CEBPA: variants seen among roughly 807,000 people sequenced by gnomAD.
CEBPA encodes CCAAT/enhancer-binding protein alpha.
Under a neutral mutation model 5.1 loss-of-function variants are expected in CEBPA, and 2 were observed. The observed-to-expected ratio is 0.39, with a 90% CI of 0.16 to 1.23. The LOEUF (loss-of-function observed/expected upper bound fraction) is 1.23. Among genes scored for constraint, CEBPA ranks in the 50% most tolerant of loss-of-function variants. The pLI is 0.34. For missense variants in CEBPA, 455 were observed against 537.4 expected, an observed-to-expected ratio of 0.85 and a Z score of 1.52; for synonymous variants, 275 against 264.1, an observed-to-expected ratio of 1.04 and a Z score of -0.40.
chr19:33,301,982 G>T lies in CEBPA; in HGVS notation c.433C>A (p.Pro145Thr). The change falls in exon 1 of 1, where the codon CCC (proline) becomes ACC (threonine). Residue 145 changes from proline to threonine, a missense_variant. Physicochemically the swap from Pro to Thr is conservative, Grantham distance 38 (BLOSUM62 -1). This residue lies in a region of CEBPA where 141 missense variants were observed against 124.1 expected (regional missense o/e 1.14). Coordinates refer to ENST00000498907, the MANE Select transcript of CEBPA (RefSeq NM_004364.5). The surrounding 1 kb of genome is among the most constrained non-coding windows in gnomAD (Gnocchi z 6.0). Reference sequence around the variant, plus strand: ...GGCGCCCCGACGCGCTCGTACAGGGGCTCCAGCCTGCCGTCCAGGTAGCCG... The same window carrying T: ...GGCGCCCCGACGCGCTCGTACAGGGTCTCCAGCCTGCCGTCCAGGTAGCCG... ...AAGYLDGRLE[P>T]LYERVGAPAL... The T allele has an allele frequency of 8.3e-7, 1 of 1,207,186 alleles. No individual in the cohort carries two copies. Among genetic ancestry groups the T allele is most frequent in the East Asian group, 3.6e-5 (1 of 27,672 alleles). The allele number at this position is 1,207,186 out of a possible 1,614,324, so 74.8% of individuals were successfully genotyped here. A position where few individuals can be genotyped will look rare whatever the true frequency, so the allele number is the denominator to read the frequency against.
In CEBPA at chr19:33,301,887, G is replaced by A. The variant is rs2145261618; in HGVS notation, c.528C>T (p.Ala176=). The part of the protein sequence containing the change: ...EEDEAKQLAL[A]GLFPYQPPPP... ...GCGGCGGCTGGTAAGGGAAGAGGCC[G>A]GCCAGCGCCAGCTGCTTGGCTTCAT... Residue 176 remains alanine, a synonymous_variant, in exon 1 of 1, where the codon GCC becomes GCT. Transcript: ENST00000498907. This position sits in a 1 kb window ranked among gnomAD's most constrained non-coding sequence, Gnocchi z 6.0. 2.3e-6 allele frequency: 3 copies of A among 1,325,504 alleles called. No homozygotes were observed. The highest frequency in any genetic ancestry group is 3.1e-5 in the Admixed American group (1 of 32,710). 82.1% of individuals were successfully genotyped at this position (1,325,504 alleles called of 1,614,324 possible). A position where few individuals can be genotyped will look rare whatever the true frequency, so the allele number is the denominator to read the frequency against.
Position 33,301,227 on chromosome 19 carries a change from C to G in CEBPA, c.*111G>C. 2.1e-6 allele frequency: 3 copies of G among 1,457,550 alleles called. No homozygotes were observed. Among genetic ancestry groups the G allele is most frequent in the Non-Finnish European group, 2.7e-6 (3 of 1,107,008 alleles). The allele number at this position is 1,457,550 out of a possible 1,614,324, so 90.3% of individuals were successfully genotyped here. A position where few individuals can be genotyped will look rare whatever the true frequency, so the allele number is the denominator to read the frequency against. ...CCAGGCTTTCAGGAGGCACCGGAATCTCCTAGTCCTGGCTCGCACGGCTCG... is the reference window on the plus strand; with the variant it reads ...CCAGGCTTTCAGGAGGCACCGGAATGTCCTAGTCCTGGCTCGCACGGCTCG... On this transcript the variant is annotated 3_prime_UTR_variant, in exon 1 of 1. Coordinates refer to ENST00000498907, the MANE Select transcript of CEBPA (RefSeq NM_004364.5). The surrounding 1 kb of genome is among the most constrained non-coding windows in gnomAD (Gnocchi z 6.0).
At position 33,302,374 on chromosome 19, in the gene CEBPA, G is replaced by T. The variant is rs1007915253; in HGVS notation, c.41C>A (p.Pro14Gln). 6 of 1,306,296 alleles carry T rather than the reference G, an allele frequency of 4.6e-6. No homozygotes were observed. The highest frequency in any genetic ancestry group is 1.6e-5 in the African/African-American group (1 of 64,402). 80.9% of individuals were successfully genotyped at this position (1,306,296 alleles called of 1,614,324 possible). Residue 14 changes from proline (P) to glutamine (Q), a missense_variant, in exon 1 of 1, where the codon CCG becomes CAG. Pro to Gln is a moderately conservative substitution (Grantham distance 76). Coordinates refer to ENST00000498907, the MANE Select transcript of CEBPA (RefSeq NM_004364.5). ...GGGGCTCTGCAGGTGGCTGCTCATC[G>T]GGGGCCGCGGCTCCGCCTCGTAGAA... ...ADFYEAEPRP[P>Q]MSSHLQSPPH...
chr19:33,300,456 T>C lies in CEBPA; in HGVS notation c.*882A>G. On this transcript the variant is annotated 3_prime_UTR_variant, in exon 1 of 1. Coordinates refer to ENST00000498907, the MANE Select transcript of CEBPA (RefSeq NM_004364.5). ...CTCCGGTCCCTCTGGGATGGACTGA[T>C]CGTGCTTCGTGTTCCTAGGCAATGC... The C allele has an allele frequency of 4.3e-6, 1 of 233,766 alleles. No homozygotes were observed. The highest frequency in any genetic ancestry group is 8.5e-6 in the Non-Finnish European group (1 of 118,052). The allele number at this position is 233,766 out of a possible 1,614,324, so 14.5% of individuals were successfully genotyped here.
rs1338027134 is a variant in CEBPA, at chr19:33,301,857, C to T, written c.558G>A (p.Pro186=). 4.1e-5 allele frequency: 53 copies of T among 1,278,252 alleles called. No individual in the cohort carries two copies. The East Asian group carries it at 1.8e-3, about 42-fold the overall frequency. 79.2% of individuals were successfully genotyped at this position (1,278,252 alleles called of 1,614,324 possible). Residue 186 remains proline (P), a synonymous_variant, in exon 1 of 1, where the codon CCG becomes CCA. Coordinates refer to ENST00000498907, the MANE Select transcript of CEBPA (RefSeq NM_004364.5). The surrounding 1 kb of genome is among the most constrained non-coding windows in gnomAD (Gnocchi z 6.0). ...AGLFPYQPPP[P]PPPSHPHPHP... is the part of the protein sequence containing the mutation. ...GCGGGTGCGGGTGCGAGGGCGGCGG[C>T]GGCGGCGGCGGCTGGTAAGGGAAGA...
In CEBPA at chr19:33,302,450, G is replaced by A. The variant is rs1027280601; in HGVS notation, c.-36C>T. ...GAGTTCTCCCGGCATGGCGAGCCTC[G>A]GCGGCCTCCAGCCTGCGCGGGGCGT... On this transcript the variant is annotated 5_prime_UTR_variant, in exon 1 of 1. Transcript: ENST00000498907. The A allele has an allele frequency of 4.6e-5, 57 of 1,236,596 alleles. No individual in the cohort carries two copies. Among genetic ancestry groups the A allele is most frequent in the Non-Finnish European group, 5.5e-5 (54 of 985,030 alleles). 76.6% of individuals were successfully genotyped at this position (1,236,596 alleles called of 1,614,324 possible).
In CEBPA at chr19:33,300,964, A is replaced by G; in HGVS notation, c.*374T>C. The G allele has an allele frequency of 3.1e-6, 1 of 323,808 alleles. No homozygotes were observed. The highest frequency in any genetic ancestry group is 5.9e-5 in the South Asian group (1 of 17,014). 20.1% of individuals were successfully genotyped at this position (323,808 alleles called of 1,614,324 possible). A position where few individuals can be genotyped will look rare whatever the true frequency, so the allele number is the denominator to read the frequency against. On this transcript the variant is annotated 3_prime_UTR_variant, in exon 1 of 1. Transcript: ENST00000498907. ...GGGGTCTGCTGTAGCCTCGGGAAGG[A>G]GGCAGGAAACCTCCAAATAAAATGA...
rs535980233 is a variant in CEBPA, at chr19:33,301,748, C to T, written c.667G>A (p.Gly223Ser). 1.1e-4 allele frequency: 125 copies of T among 1,164,982 alleles called. No homozygotes were observed. The Admixed American group carries it at 5.1e-3, about 48-fold the overall frequency. The allele number at this position is 1,164,982 out of a possible 1,614,324, so 72.2% of individuals were successfully genotyped here. Reference sequence around the variant, plus strand: ...GGCGTGGGCGGCGGCGTGGGGTGACCGGGCTGCAGGTGCATGGTGGTCTGG... The same window carrying T: ...GGCGTGGGCGGCGGCGTGGGGTGACTGGGCTGCAGGTGCATGGTGGTCTGG... ...CGQTTMHLQP[G>S]HPTPPPTPVP... Residue 223 changes from glycine to serine, a missense_variant, in exon 1 of 1, where the codon GGT becomes AGT. Transcript: ENST00000498907. This position sits in a 1 kb window ranked among gnomAD's most constrained non-coding sequence, Gnocchi z 6.0.
chr19:33,302,343 G>C lies in CEBPA; in HGVS notation c.72C>G (p.His24Gln), dbSNP rs1555742309. 7.4e-7 allele frequency: 1 copy of C among 1,349,752 alleles called. No homozygotes were observed. The highest frequency in any genetic ancestry group is 9.5e-7 in the Non-Finnish European group (1 of 1,051,308). 83.6% of individuals were successfully genotyped at this position (1,349,752 alleles called of 1,614,324 possible). ...PMSSHLQSPP[H>Q]APSSAAFGFP... ...AGCCGAAGGCGGCGCTGCTGGGCGC[G>C]TGCGGGGGGCTCTGCAGGTGGCTGC... Residue 24 changes from histidine (H) to glutamine (Q), a missense_variant, in exon 1 of 1, where the codon CAC (histidine) becomes CAG (glutamine). Transcript: ENST00000498907.
In CEBPA at chr19:33,300,052, C is replaced by G. The variant is rs895350934; in HGVS notation, c.*1286G>C. On this transcript the variant is annotated 3_prime_UTR_variant, in exon 1 of 1. Transcript: ENST00000498907. ...TTCCCTGCTCCCAGCCCCAGTGATG[C>G]GTTGGCGGGAGGCCACCTCCCTTCC... 1 of 233,286 alleles carries G rather than the reference C, an allele frequency of 4.3e-6. No homozygotes were observed. Among genetic ancestry groups the G allele is most frequent in the African/African-American group, 2.2e-5 (1 of 45,350 alleles). 14.5% of individuals were successfully genotyped at this position (233,286 alleles called of 1,614,324 possible). A position where few individuals can be genotyped will look rare whatever the true frequency, so the allele number is the denominator to read the frequency against.
chr19:33,301,476 C>T lies in CEBPA; in HGVS notation c.939G>A (p.Lys313=), dbSNP rs1600021081. ...AKQRNVETQQ[K]VLELTSDNDR... Reference sequence around the variant, plus strand: ...CATTGTCACTGGTCAGCTCCAGCACCTTCTGCTGCGTCTCCACGTTGCGCT... The same window carrying T: ...CATTGTCACTGGTCAGCTCCAGCACTTTCTGCTGCGTCTCCACGTTGCGCT... Residue 313 remains lysine, a synonymous_variant, in exon 1 of 1, where the codon AAG becomes AAA. Transcript: ENST00000498907. The surrounding 1 kb of genome is among the most constrained non-coding windows in gnomAD (Gnocchi z 6.0). 3.7e-6 allele frequency: 6 copies of T among 1,613,476 alleles called. No individual in the cohort carries two copies. Among genetic ancestry groups the T allele is most frequent in the Non-Finnish European group, 5.1e-6 (6 of 1,179,870 alleles).
In CEBPA at chr19:33,301,258, G is replaced by C; in HGVS notation, c.*80C>G. On this transcript the variant is annotated 3_prime_UTR_variant, in exon 1 of 1. Transcript: ENST00000498907. The surrounding 1 kb of genome is among the most constrained non-coding windows in gnomAD (Gnocchi z 6.0). ...GTCCTGGCTCGCACGGCTCGGGCAA[G>C]CCTCGAGATCCGGCGACCCCAAACC... 1 of 1,490,804 alleles carries C rather than the reference G, an allele frequency of 6.7e-7. No homozygotes were observed. The highest frequency in any genetic ancestry group is 2.5e-5 in the East Asian group (1 of 40,516). The allele number at this position is 1,490,804 out of a possible 1,614,324, so 92.3% of individuals were successfully genotyped here.
chr19:33,301,698 G>T lies in CEBPA; in HGVS notation c.717C>A (p.Pro239=). The change falls in exon 1 of 1, where the codon CCC becomes CCA. Residue 239 remains proline (P), a synonymous_variant. Coordinates refer to ENST00000498907, the MANE Select transcript of CEBPA (RefSeq NM_004364.5). The surrounding 1 kb of genome is among the most constrained non-coding windows in gnomAD (Gnocchi z 6.0). ...PTPVPSPHPA[P]ALGAAGLPGP... ...CCGGCAGGCCGGCGGCACCGAGCGC[G>T]GGCGCGGGGTGCGGGCTGGGCACGG... 8.6e-7 allele frequency: 1 copy of T among 1,160,634 alleles called. No individual in the cohort carries two copies. The highest frequency in any genetic ancestry group is 1.1e-6 in the Non-Finnish European group (1 of 945,422). The allele number at this position is 1,160,634 out of a possible 1,614,324, so 71.9% of individuals were successfully genotyped here. A position where few individuals can be genotyped will look rare whatever the true frequency, so the allele number is the denominator to read the frequency against.
Position 33,301,203 on chromosome 19 carries a change from C to G in CEBPA, c.*135G>C, listed in dbSNP as rs1452237127. On this transcript the variant is annotated 3_prime_UTR_variant, in exon 1 of 1. Transcript: ENST00000498907. This position sits in a 1 kb window ranked among gnomAD's most constrained non-coding sequence, Gnocchi z 6.0. ...AAGGGAGGGGACACGCGGAGCAGGCCAGGCTTTCAGGAGGCACCGGAATCT... is the reference window on the plus strand; with the variant it reads ...AAGGGAGGGGACACGCGGAGCAGGCGAGGCTTTCAGGAGGCACCGGAATCT... The G allele has an allele frequency of 7.2e-7, 1 of 1,392,298 alleles. No homozygotes were observed. The highest frequency in any genetic ancestry group is 9.5e-7 in the Non-Finnish European group (1 of 1,055,574). 86.2% of individuals were successfully genotyped at this position (1,392,298 alleles called of 1,614,324 possible). A position where few individuals can be genotyped will look rare whatever the true frequency, so the allele number is the denominator to read the frequency against.
Position 33,302,068 on chromosome 19 carries a change from C to T in CEBPA, c.347G>A (p.Gly116Asp). 1 of 1,226,888 alleles carries T rather than the reference C, an allele frequency of 8.2e-7. No homozygotes were observed. Among genetic ancestry groups the T allele is most frequent in the Non-Finnish European group, 1.0e-6 (1 of 979,578 alleles). 76.0% of individuals were successfully genotyped at this position (1,226,888 alleles called of 1,614,324 possible). A position where few individuals can be genotyped will look rare whatever the true frequency, so the allele number is the denominator to read the frequency against. Residue 116 changes from glycine (G) to aspartate (D), a missense_variant, in exon 1 of 1, where the codon GGC becomes GAC. Transcript: ENST00000498907. ...FDYPGAPAGP[G>D]GAVMPGGAHG... is the part of the protein sequence containing the mutation. ...CGCTCCCCCGGGCATGACGGCGCCGCCGGGGCCCGCGGGCGCGCCCGGGTA... is the reference window on the plus strand; with the variant it reads ...CGCTCCCCCGGGCATGACGGCGCCGTCGGGGCCCGCGGGCGCGCCCGGGTA...
rs767444679 is a variant in CEBPA at position 33,301,807 on chromosome 19, G to A, written c.608C>T (p.Ala203Val). 1 of 1,244,690 alleles carries A rather than the reference G, an allele frequency of 8.0e-7. No homozygotes were observed. The highest frequency in any genetic ancestry group is 1.0e-6 in the Non-Finnish European group (1 of 995,966). The allele number at this position is 1,244,690 out of a possible 1,614,324, so 77.1% of individuals were successfully genotyped here. A position where few individuals can be genotyped will look rare whatever the true frequency, so the allele number is the denominator to read the frequency against. ...CGCGATCTGGAACTGCAGGTGCGGG[G>A]CGGCCAGGTGCGCGGGCGGCGGGTG... ...HPHPPPAHLA[A>V]PHLQFQIAHC... Residue 203 changes from alanine to valine, a missense_variant, in exon 1 of 1, where the codon GCC (alanine) becomes GTC (valine). Transcript: ENST00000498907. This position sits in a 1 kb window ranked among gnomAD's most constrained non-coding sequence, Gnocchi z 6.0.
chr19:33,302,067 G>C lies in CEBPA; in HGVS notation c.348C>G (p.Gly116=), dbSNP rs1405076684. Residue 116 remains glycine, a synonymous_variant, in exon 1 of 1, where the codon GGC becomes GGG. Transcript: ENST00000498907. ...GCGCTCCCCCGGGCATGACGGCGCC[G>C]CCGGGGCCCGCGGGCGCGCCCGGGT... ...FDYPGAPAGP[G]GAVMPGGAHG... The C allele has an allele frequency of 8.2e-7, 1 of 1,225,794 alleles. No homozygotes were observed. Among genetic ancestry groups the C allele is most frequent in the Non-Finnish European group, 1.0e-6 (1 of 978,688 alleles). 75.9% of individuals were successfully genotyped at this position (1,225,794 alleles called of 1,614,324 possible). A position where few individuals can be genotyped will look rare whatever the true frequency, so the allele number is the denominator to read the frequency against.
Position 33,301,873 on chromosome 19 carries a change from T to A in CEBPA, c.542A>T (p.Tyr181Phe). 1 of 1,291,128 alleles carries A rather than the reference T, an allele frequency of 7.7e-7. No individual in the cohort carries two copies. Among genetic ancestry groups the A allele is most frequent in the Non-Finnish European group, 9.9e-7 (1 of 1,011,716 alleles). The allele number at this position is 1,291,128 out of a possible 1,614,324, so 80.0% of individuals were successfully genotyped here. A position where few individuals can be genotyped will look rare whatever the true frequency, so the allele number is the denominator to read the frequency against. The change falls in exon 1 of 1, where the codon TAC becomes TTC. Residue 181 changes from tyrosine to phenylalanine, a missense_variant. Physicochemically the swap from Tyr to Phe is conservative, Grantham distance 22 (BLOSUM62 3). Around this residue, in one of 5 missense-constraint regions of CEBPA, gnomAD observed 141 missense variants for 124.1 expected, o/e 1.14. Transcript: ENST00000498907. This position sits in a 1 kb window ranked among gnomAD's most constrained non-coding sequence, Gnocchi z 6.0. ...KQLALAGLFP[Y>F]QPPPPPPPSH... Reference sequence around the variant, plus strand: ...GGGCGGCGGCGGCGGCGGCGGCTGGTAAGGGAAGAGGCCGGCCAGCGCCAG... The same window carrying A: ...GGGCGGCGGCGGCGGCGGCGGCTGGAAAGGGAAGAGGCCGGCCAGCGCCAG...
Position 33,301,181 on chromosome 19 carries a change from G to A in CEBPA, c.*157C>T. ...CGCACCAAGTCCGGCGCAGAGGAAG[G>A]GAGGGGACACGCGGAGCAGGCCAGG... On this transcript the variant is annotated 3_prime_UTR_variant, in exon 1 of 1. Coordinates refer to ENST00000498907, the MANE Select transcript of CEBPA (RefSeq NM_004364.5). The surrounding 1 kb of genome is among the most constrained non-coding windows in gnomAD (Gnocchi z 6.0). 7.9e-7 allele frequency: 1 copy of A among 1,270,010 alleles called. No homozygotes were observed. The highest frequency in any genetic ancestry group is 1.1e-6 in the Non-Finnish European group (1 of 947,802). 78.7% of individuals were successfully genotyped at this position (1,270,010 alleles called of 1,614,324 possible).
Sources: gnomAD v4.1 joint callset for allele counts on GRCh38, gnomAD v4.1.1 for gene constraint, gnomAD v4.1.1 regional missense constraint, Gnocchi (gnomAD v3.1) non-coding constraint, MANE v1.5 for transcripts, NCBI Gene and HGNC (gene_info 2026-07-23, HGNC 2026-07-21) for gene names.